PLXDC2: variants seen among roughly 807,000 people sequenced by gnomAD.
The protein encoded by PLXDC2 is plexin domain containing 2, also known as plexin domain-containing protein 2.
A neutral mutation model predicts 68.9 loss-of-function variants in PLXDC2; 40 were observed. The ratio of observed to expected loss-of-function variants is 0.58; its 90% CI spans 0.45 to 0.76. The LOEUF (loss-of-function observed/expected upper bound fraction) is 0.76. PLXDC2 is among the 30% of genes least tolerant of loss of function. PLXDC2 has a pLI of 0.00. For synonymous variants in PLXDC2, 243 were observed against 234.2 expected, an observed-to-expected ratio of 1.04 and a Z score of -0.34; for missense variants, 644 against 661.9, an observed-to-expected ratio of 0.97 and a Z score of 0.30.
intron 1 of PLXDC2, among the ~76,000 whole-genome samples, chr10:19,902,888 A>C (rs1004496890): frequency 3.9e-5 from 6 of 152,228 alleles, no homozygotes; most frequent in Non-Finnish European, 8.8e-5. Flanking sequence ...TTAATCATAA[A>C]AGAATGCTGG....
At chr10:19,852,236 T>C (rs1380763614) in intron 1 of PLXDC2, among the ~76,000 whole-genome samples, 1 of 151,698 alleles carries the variant, frequency 6.6e-6, no homozygotes, top group Non-Finnish European at 1.5e-5. Context: ...AGACCCCATC[T>C]CTACAACAAA....
intron 1 of PLXDC2, among the ~76,000 whole-genome samples, chr10:19,834,465 C>T (rs1836753421): frequency 6.6e-6 from 1 of 152,080 alleles, no homozygotes; most frequent in African/African-American, 2.4e-5. Flanking sequence ...AGGTTGGGGT[C>T]TCTGAGGACC....
intron 13 of PLXDC2, among the ~76,000 whole-genome samples, chr10:20,277,520 A>G (rs1328727110): frequency 6.6e-6 from 1 of 152,152 alleles, no homozygotes; most frequent in Non-Finnish European, 1.5e-5. Flanking sequence ...ACAGATGAAG[A>G]AACAAAGGCC....
chr10:20,223,312 A>AT (rs58086408), intron 12 of PLXDC2, among the ~76,000 whole-genome samples: 4,965 of 131,148 alleles, frequency 0.038, 251 homozygotes, highest in African/African-American at 0.09. Flanking sequence ...ACAGAATTGA[A>AT]TTTTTTTTTT....
intron 1 of PLXDC2, among the ~76,000 whole-genome samples, chr10:19,911,656 A>G (rs1833273420): frequency 6.6e-6 from 1 of 152,188 alleles, no homozygotes; most frequent in Non-Finnish European, 1.5e-5. Flanking sequence ...GAGAAATGAA[A>G]TAACCTCCCC....
intron 1 of PLXDC2, among the ~76,000 whole-genome samples, chr10:19,839,231 A>T (rs2131316299): frequency 6.6e-6 from 1 of 152,142 alleles, no homozygotes; most frequent in East Asian, 1.9e-4. Context: ...CCTTCAGCTA[A>T]GAAACAACAG....
chr10:19,867,213 C>T (rs1404343837), intron 1 of PLXDC2, among the ~76,000 whole-genome samples: 1 of 151,836 alleles, frequency 6.6e-6, no homozygotes, highest in Non-Finnish European at 1.5e-5. Context: ...TTATAGGTAT[C>T]CACCACCACG....
At chr10:20,164,725 T>G (rs1406737490) in intron 7 of PLXDC2, among the ~76,000 whole-genome samples, 158 bp downstream of exon 7, 3 of 152,218 alleles carry the variant, frequency 2.0e-5, no homozygotes, top group African/African-American at 7.2e-5. Flanking sequence ...TAACTCCGAT[T>G]GGGCTATCTC....
At chr10:19,900,981 A>ATGTGTGTG (rs71388879) in intron 1 of PLXDC2, among the ~76,000 whole-genome samples, 49 of 144,564 alleles carry the variant, frequency 3.4e-4, no homozygotes, top group African/African-American at 7.8e-4. Flanking sequence ...TATATGTGTG[A>ATGTGTGTG]TGTGTGTGTG....
intron 1 of PLXDC2, among the ~76,000 whole-genome samples, chr10:19,848,134 A>C (rs538095833): frequency 6.6e-6 from 1 of 152,214 alleles, no homozygotes; most frequent in African/African-American, 2.4e-5. Context: ...CCATCTCTAT[A>C]AAATTTCTTT....
chr10:19,820,978 G>A (rs1836456822), intron 1 of PLXDC2, among the ~76,000 whole-genome samples: 1 of 152,156 alleles, frequency 6.6e-6, no homozygotes, highest in African/African-American at 2.4e-5. Flanking sequence ...TACTTGGGAG[G>A]ATGAGGCAGG....
intron 2 of PLXDC2, among the ~76,000 whole-genome samples, chr10:20,038,341 A>G (rs1835617755): frequency 6.6e-6 from 1 of 152,194 alleles, no homozygotes; most frequent in South Asian, 2.1e-4. Flanking sequence ...CAAATAGATC[A>G]AGTAGGTGAA....
At chr10:19,875,195 A>C (rs1837610903) in intron 1 of PLXDC2, among the ~76,000 whole-genome samples, 1 of 152,190 alleles carries the variant, frequency 6.6e-6, no homozygotes, top group Non-Finnish European at 1.5e-5. Context: ...AGAAGGCAGA[A>C]TTGTATGCCA....
chr10:20,136,333 G>T (rs1833932855), intron 4 of PLXDC2, among the ~76,000 whole-genome samples: 1 of 152,052 alleles, frequency 6.6e-6, no homozygotes, highest in Admixed American at 6.5e-5. Context: ...TGCCACACAT[G>T]GTTTTGTTAA....
intron 1 of PLXDC2, among the ~76,000 whole-genome samples, chr10:19,820,984 G>T (rs917476617): frequency 6.6e-6 from 1 of 152,202 alleles, no homozygotes; most frequent in East Asian, 1.9e-4. Flanking sequence ...GGAGGATGAG[G>T]CAGGAGAATC....
intron 9 of PLXDC2, among the ~76,000 whole-genome samples, chr10:20,198,679 A>G (rs1272917279): frequency 1.6e-4 from 24 of 152,152 alleles, no homozygotes; most frequent in Admixed American, 7.9e-4. Flanking sequence ...AAAAAATTAT[A>G]TCTCTGATGA....
In PLXDC2 at chr10:20,147,836, C is replaced by T. The variant is rs267602435; in HGVS notation, c.717C>T (p.Asn239=). 4 of 1,613,606 alleles carry T rather than the reference C, an allele frequency of 2.5e-6. No individual in the cohort carries two copies. The highest frequency in any genetic ancestry group is 3.4e-6 in the Non-Finnish European group (4 of 1,179,622). The change falls in exon 6 of 14, where the codon AAC becomes AAT. Residue 239 remains asparagine (N), a synonymous_variant. Coordinates refer to ENST00000377252, the MANE Select transcript of PLXDC2 (RefSeq NM_032812.9). ...ATGTACATCTCCAGGATAATTATAA[C>T]CTGGGAAGCTTCACATTCCAGGCAA... The part of the protein sequence containing the change: ...WDHVHLQDNY[N]LGSFTFQATL...
chr10:19,957,772 A>C (rs1024085730), intron 1 of PLXDC2, among the ~76,000 whole-genome samples: 28 of 152,156 alleles, frequency 1.8e-4, no homozygotes, highest in African/African-American at 5.8e-4. Flanking sequence ...AGTTATTAAT[A>C]CATGTTGCTA....
intron 12 of PLXDC2, among the ~76,000 whole-genome samples, chr10:20,221,363 A>G (rs1213499436): frequency 1.3e-5 from 2 of 152,232 alleles, no homozygotes; most frequent in Admixed American, 6.5e-5. Context: ...GATTTTTGGT[A>G]TACTAGAGAG....
Sources: gnomAD v4.1 joint callset for allele counts (sites outside exome capture counted in the v4.1 genomes callset) on GRCh38, gnomAD v4.1.1 for gene constraint, MANE v1.5 for transcripts, NCBI Gene and HGNC (gene_info 2026-07-23, HGNC 2026-07-21) for gene names.